NBEA: variants seen among roughly 807,000 people sequenced by gnomAD.
NBEA encodes the protein lysosomal-trafficking regulator 2.
Under a neutral mutation model 343.4 loss-of-function variants are expected in NBEA, and 44 were observed. That is an observed-to-expected ratio of 0.13 (90% CI 0.10 to 0.16). NBEA has a LOEUF of 0.16. Among genes scored for constraint, NBEA ranks in the 10% least tolerant of loss-of-function variants. The pLI is 1.00. For synonymous variants in NBEA, 1,175 were observed against 1,238.7 expected, an observed-to-expected ratio of 0.95 and a Z score of 1.08; for missense variants, 2,555 against 3,631.3, an observed-to-expected ratio of 0.70 and a Z score of 7.62.
chr13:35,327,075 G>A (rs2038614039), intron 36 of NBEA, among the ~76,000 whole-genome samples: 1 of 151,962 alleles, frequency 6.6e-6, no homozygotes, highest in South Asian at 2.1e-4. Flanking sequence ...AAACCACAAT[G>A]ATATACCATT....
Position 35,447,367 on chromosome 13 carries a change from A to C in NBEA, c.6305-4725A>C, listed in dbSNP as rs573468689. Among the ~76,000 whole-genome samples, 11 of 152,242 alleles carry C rather than the reference A, an allele frequency of 7.2e-5. No individual in the cohort carries two copies. In the South Asian group the frequency reaches 2.3e-3, roughly 32 times the overall value. On this transcript the variant is annotated intron_variant, in intron 39 of 58. Coordinates refer to ENST00000379939, the MANE Select transcript of NBEA (RefSeq NM_001385012.1). ...AACATTTTAGTTCTGCTGTTACTTC[A>C]CCTTTAAAATATACCTTTTTTCACA... is the stretch of plus-strand genomic sequence containing the variant.
chr13:35,252,408 G>A (rs2032088616), intron 34 of NBEA, among the ~76,000 whole-genome samples: 1 of 152,148 alleles, frequency 6.6e-6, no homozygotes. Context: ...GAAACACAAA[G>A]CCTAACCATA....
At chr13:35,142,716 G>A (rs1346912364) in intron 18 of NBEA, among the ~76,000 whole-genome samples, 4 of 151,654 alleles carry the variant, frequency 2.6e-5, no homozygotes, top group South Asian at 2.1e-4. Context: ...TTATCCTCTC[G>A]TTCCTACTCT....
intron 49 of NBEA, among the ~76,000 whole-genome samples, chr13:35,638,434 C>G (rs983724770): frequency 6.6e-6 from 1 of 152,134 alleles, no homozygotes; most frequent in Non-Finnish European, 1.5e-5. Context: ...GAGCTGTGGC[C>G]TTAGGTAGAG....
intron 34 of NBEA, among the ~76,000 whole-genome samples, chr13:35,289,743 C>T (rs1373748281): frequency 6.6e-6 from 1 of 151,766 alleles, no homozygotes; most frequent in African/African-American, 2.4e-5. Flanking sequence ...GCTAAGTGAT[C>T]AATGAGTAGT....
At chr13:35,149,795 A>G (rs1327954626) in intron 18 of NBEA, among the ~76,000 whole-genome samples, 1 of 152,212 alleles carries the variant, frequency 6.6e-6, no homozygotes, top group Admixed American at 6.5e-5. Flanking sequence ...GTGTAGCATA[A>G]TAACATAATA....
At position 35,671,945 on chromosome 13, in the gene NBEA, G is replaced by A. The variant is rs781179366; in HGVS notation, c.*954G>A. On this transcript the variant is annotated 3_prime_UTR_variant, in exon 59 of 59. Coordinates refer to ENST00000379939, the MANE Select transcript of NBEA (RefSeq NM_001385012.1). Reference sequence around the variant, plus strand: ...GCTTGGTGTGTATACATTAGGGGAGGATAATCTGATGCTAACTTTTTTTTT... The same window carrying A: ...GCTTGGTGTGTATACATTAGGGGAGAATAATCTGATGCTAACTTTTTTTTT... 2.0e-5 allele frequency: 3 copies of A among 152,330 alleles called. No homozygotes were observed. Among genetic ancestry groups the A allele is most frequent in the Admixed American group, 6.5e-5 (1 of 15,272 alleles). The allele number at this position is 152,330 out of a possible 1,614,324, so 9.4% of individuals were successfully genotyped here.
At chr13:34,947,901 T>C (rs1214528852) in intron 1 of NBEA, among the ~76,000 whole-genome samples, 2 of 152,224 alleles carry the variant, frequency 1.3e-5, no homozygotes. Context: ...GTGTATGATA[T>C]TACCTGACTG....
intron 3 of NBEA, 106 bp from the exon 4 acceptor site, chr13:35,045,200 T>C: frequency 8.3e-7 from 1 of 1,205,356 alleles, no homozygotes. Context: ...TGATTTAAAA[T>C]TAATTTTTCT....
At chr13:35,378,246 G>T (rs2041845919) in intron 38 of NBEA, among the ~76,000 whole-genome samples, 1 of 152,120 alleles carries the variant, frequency 6.6e-6, no homozygotes, top group Admixed American at 6.5e-5. Context: ...CAGCTGGCTG[G>T]CCTGGCCTCT....
chr13:35,552,254 A>C (rs2079362800), intron 43 of NBEA, among the ~76,000 whole-genome samples: 1 of 152,340 alleles, frequency 6.6e-6, no homozygotes, highest in Admixed American at 6.5e-5. Flanking sequence ...TTTAATCTAC[A>C]GGACCTAACA....
chr13:35,591,356 AC>A (rs1160506422), intron 46 of NBEA, among the ~76,000 whole-genome samples: 7 of 152,088 alleles, frequency 4.6e-5, no homozygotes, highest in African/African-American at 1.7e-4. Context: ...TATTTTCACT[AC>A]CTTATTTTTA....
At chr13:34,988,045 G>T (rs2060620310) in intron 1 of NBEA, among the ~76,000 whole-genome samples, 1 of 151,128 alleles carries the variant, frequency 6.6e-6, no homozygotes, top group Non-Finnish European at 1.5e-5. Context: ...TGCTGGTGGG[G>T]AGATGCTATC....
chr13:35,313,931 G>A (rs1203422129), intron 36 of NBEA, among the ~76,000 whole-genome samples: 4 of 152,086 alleles, frequency 2.6e-5, no homozygotes, highest in African/African-American at 9.7e-5. Context: ...TTTAAATTTG[G>A]AGAGAGGGGT....
intron 8 of NBEA, among the ~76,000 whole-genome samples, chr13:35,067,886 A>T (rs1257459403): frequency 6.6e-6 from 1 of 151,934 alleles, no homozygotes; most frequent in Non-Finnish European, 1.5e-5. Flanking sequence ...CAGGCGTGTG[A>T]CACCACACTT....
chr13:35,349,764 G>A (rs2040083248), intron 37 of NBEA, among the ~76,000 whole-genome samples: 1 of 152,068 alleles, frequency 6.6e-6, no homozygotes, highest in Non-Finnish European at 1.5e-5. Context: ...TGATACAACA[G>A]GCTAACAAGT....
At chr13:35,451,210 G>A (rs796419901) in intron 39 of NBEA, among the ~76,000 whole-genome samples, 19 of 152,160 alleles carry the variant, frequency 1.2e-4, no homozygotes, top group African/African-American at 4.1e-4. Context: ...TGCAAGCTCC[G>A]CCTCCCGGGT....
At chr13:35,224,399 C>T (rs74048951) in intron 33 of NBEA, among the ~76,000 whole-genome samples, 6,744 of 152,176 alleles carry the variant, frequency 0.044, 176 homozygotes, top group South Asian at 0.078. Context: ...TTATTTGATA[C>T]TGTTTAATAG....
At chr13:35,137,716 A>G (rs1305669389) in intron 17 of NBEA, among the ~76,000 whole-genome samples, 1 of 152,118 alleles carries the variant, frequency 6.6e-6, no homozygotes, top group Non-Finnish European at 1.5e-5. Flanking sequence ...TTTGGGTAGT[A>G]GAATTTTAAG....
Sources: gnomAD v4.1 joint callset for allele counts (sites outside exome capture counted in the v4.1 genomes callset) on GRCh38, gnomAD v4.1.1 for gene constraint, MANE v1.5 for transcripts, NCBI Gene and HGNC (gene_info 2026-07-23, HGNC 2026-07-21) for gene names.